The following PIK3R6 variants were observed in gnomAD, a reference collection of about 807,000 sequenced individuals.
PIK3R6 encodes phosphoinositide 3-kinase regulatory subunit 6.
Under a neutral mutation model 84.9 loss-of-function variants are expected in PIK3R6, and 91 were observed. The observed-to-expected ratio is 1.07, with a 90% CI of 0.90 to 1.28. The LOEUF is 1.28. Ranked by LOEUF, PIK3R6 falls within the 50% of genes most tolerant of loss-of-function variation. The pLI is 0.00. For synonymous variants in PIK3R6, 416 were observed against 411.4 expected, an observed-to-expected ratio of 1.01 and a Z score of -0.13; for missense variants, 996 against 985.1, an observed-to-expected ratio of 1.01 and a Z score of -0.15.
chr17:8,849,680 T>G, intron 2 of PIK3R6, 102 bp downstream of exon 2: 1 of 1,335,190 alleles, frequency 7.5e-7, no homozygotes. Flanking sequence ...CCTGTCTATG[T>G]GCAGGGGGTC....
At position 8,844,953 on chromosome 17, in the gene PIK3R6, T is replaced by C. The variant is rs1347522230; in HGVS notation, c.13+4829A>G. 1.3e-5 allele frequency among the ~76,000 whole-genome samples: 2 copies of C among 152,234 alleles called. No homozygotes were observed. Among genetic ancestry groups the C allele is most frequent in the Non-Finnish European group, 2.9e-5 (2 of 68,050 alleles). ...GCTTTCTGTTCCTACATTAATTTGC[T>C]TAGTGTAATAGCTTCCAGCTCCATC... On this transcript the variant is annotated intron_variant, in intron 2 of 19. Transcript: ENST00000619866. This position sits in a 1 kb window ranked among gnomAD's most constrained non-coding sequence, Gnocchi z 4.5.
chr17:8,852,439 T>C (rs566857509), intron 1 of PIK3R6, among the ~76,000 whole-genome samples: 1 of 152,244 alleles, frequency 6.6e-6, no homozygotes, highest in Non-Finnish European at 1.5e-5. Context: ...TAGAAATGAA[T>C]ATTAAAATGA....
At chr17:8,830,223 A>G (rs2151245031) in intron 9 of PIK3R6, among the ~76,000 whole-genome samples, 2 of 152,302 alleles carry the variant, frequency 1.3e-5, no homozygotes, top group Non-Finnish European at 2.9e-5. Context: ...CATGCAGTAG[A>G]CACTCAGTTA....
intron 18 of PIK3R6, among the ~76,000 whole-genome samples, chr17:8,818,612 G>A (rs980583419): frequency 1.2e-4 from 19 of 152,114 alleles, no homozygotes; most frequent in Non-Finnish European, 2.6e-4. Flanking sequence ...TTGCACCACT[G>A]CACTCCAGCC....
Position 8,828,832 on chromosome 17 carries a change from C to T in PIK3R6, c.1048G>A (p.Ala350Thr). 1 of 1,594,666 alleles carries T rather than the reference C, an allele frequency of 6.3e-7. No individual in the cohort carries two copies. Among genetic ancestry groups the T allele is most frequent in the Non-Finnish European group, 8.5e-7 (1 of 1,169,652 alleles). Reference protein sequence around the residue: ...SGIERDLPTGADELPAPGSPE... With the variant: ...SGIERDLPTGTDELPAPGSPE... ...CTGCCGGGTGCAGGCAGCTCATCAG[C>T]CCCCGTGGGAAGGTCCCGCTCAATG... is the stretch of plus-strand genomic sequence containing the variant. Residue 350 changes from alanine (A) to threonine (T), a missense_variant, in exon 11 of 20, where the codon GCT becomes ACT. Coordinates refer to ENST00000619866, the MANE Select transcript of PIK3R6 (RefSeq NM_001010855.4).
At chr17:8,812,252 G>A (rs1486904174) in intron 18 of PIK3R6, among the ~76,000 whole-genome samples, 1 of 152,166 alleles carries the variant, frequency 6.6e-6, no homozygotes, top group African/African-American at 2.4e-5. Flanking sequence ...AATTCAAGAT[G>A]AGATTTGGGT....
Position 8,844,671 on chromosome 17 carries a change from T to G in PIK3R6, c.14-4974A>C, listed in dbSNP as rs1268733737. ...AGGTTCAGGAGGTACATGTGCAGGT[T>G]TGTTACCCGGATATATTGCTTGATG... On this transcript the variant is annotated intron_variant, in intron 2 of 19. Coordinates refer to ENST00000619866, the MANE Select transcript of PIK3R6 (RefSeq NM_001010855.4). This position sits in a 1 kb window ranked among gnomAD's most constrained non-coding sequence, Gnocchi z 4.5. Among the ~76,000 whole-genome samples, 2 of 152,094 alleles carry G rather than the reference T, an allele frequency of 1.3e-5. No homozygotes were observed. Among genetic ancestry groups the G allele is most frequent in the African/African-American group, 4.8e-5 (2 of 41,428 alleles).
chr17:8,838,306 T>G, intron 4 of PIK3R6: 1 of 480,478 alleles, frequency 2.1e-6, no homozygotes, highest in East Asian at 3.8e-5. Context: ...CTTCTGTTTC[T>G]GACAAGTGAT....
At chr17:8,841,825 T>A (rs780959178) in intron 2 of PIK3R6, among the ~76,000 whole-genome samples, 4 of 152,144 alleles carry the variant, frequency 2.6e-5, no homozygotes, top group Non-Finnish European at 4.4e-5. Flanking sequence ...AGGTCCCCAG[T>A]TGCTGTGCTG....
chr17:8,829,048 G>C, intron 10 of PIK3R6, 58 bp from the exon 11 acceptor site: 1 of 1,440,280 alleles, frequency 6.9e-7, no homozygotes, highest in Non-Finnish European at 9.2e-7. Context: ...CTACGTTTCT[G>C]ATTTCAGCCA....
At chr17:8,829,018 G>A (rs1294430254) in intron 10 of PIK3R6, 28 bp from the exon 11 acceptor site, 2 of 1,488,868 alleles carry the variant, frequency 1.3e-6, no homozygotes, top group Non-Finnish European at 1.8e-6. Context: ...GGGCGGTGAG[G>A]ACACGTGAGG....
chr17:8,861,681 G>C (rs754737910), intron 1 of PIK3R6, among the ~76,000 whole-genome samples: 3 of 152,158 alleles, frequency 2.0e-5, no homozygotes, highest in Non-Finnish European at 4.4e-5. Context: ...CACAGTGCTT[G>C]TGTTCAAGTC....
Position 8,862,744 on chromosome 17 carries a change from G to A in PIK3R6, c.-92+4785C>T, listed in dbSNP as rs1015072180. ...TCCTCTCCCTCCCCCCGTAGCGCAAGAATACGACATTACAGGACAGCAATA... is the reference window on the plus strand; with the variant it reads ...TCCTCTCCCTCCCCCCGTAGCGCAAAAATACGACATTACAGGACAGCAATA... On this transcript the variant is annotated intron_variant, in intron 1 of 19. Transcript: ENST00000619866. This position sits in a 1 kb window ranked among gnomAD's most constrained non-coding sequence, Gnocchi z 4.3. 6.6e-6 allele frequency among the ~76,000 whole-genome samples: 1 copy of A among 152,162 alleles called. No individual in the cohort carries two copies. Among genetic ancestry groups the A allele is most frequent in the Non-Finnish European group, 1.5e-5 (1 of 68,034 alleles).
intron 18 of PIK3R6, among the ~76,000 whole-genome samples, chr17:8,808,257 T>C (rs2087258730): frequency 1.3e-5 from 2 of 152,210 alleles, no homozygotes; most frequent in Admixed American, 1.3e-4. Context: ...GAGCTTCGCA[T>C]GCCACAATCA....
chr17:8,836,124 T>C (rs963222920), intron 7 of PIK3R6, among the ~76,000 whole-genome samples: 1 of 152,232 alleles, frequency 6.6e-6, no homozygotes, highest in African/African-American at 2.4e-5. Context: ...GCGTCCCCCA[T>C]GGAAGCCCTC....
At chr17:8,837,054 G>T in intron 5 of PIK3R6, 131 bp from the exon 6 acceptor site, 1 of 691,448 alleles carries the variant, frequency 1.4e-6, no homozygotes. Context: ...AGGCCTAACA[G>T]CCAGACCTGG....
chr17:8,837,078 T>C (rs924750747), intron 5 of PIK3R6, among the ~76,000 whole-genome samples, 155 bp from the exon 6 acceptor site: 1 of 152,042 alleles, frequency 6.6e-6, no homozygotes, highest in Middle Eastern at 3.4e-3. Flanking sequence ...CACAGCTCTC[T>C]CCCAAACCCA....
chr17:8,839,968 C>T lies in PIK3R6; in HGVS notation c.14-271G>A, dbSNP rs561106471. The stretch of plus-strand genomic sequence containing the variant: ...AGGACAATTTTAGGTGGTACACAAA[C>T]GACCTTAAAATCTGAATAGTTATGC... On this transcript the variant is annotated intron_variant, in intron 2 of 19. Transcript: ENST00000619866. The surrounding 1 kb of genome is among the most constrained non-coding windows in gnomAD (Gnocchi z 4.2). 5.9e-5 allele frequency among the ~76,000 whole-genome samples: 9 copies of T among 152,122 alleles called. No individual in the cohort carries two copies. The highest frequency in any genetic ancestry group is 2.1e-4 in the South Asian group (1 of 4,822).
chr17:8,829,587 C>G, intron 10 of PIK3R6, 119 bp downstream of exon 10: 1 of 1,026,500 alleles, frequency 9.7e-7, no homozygotes, highest in Non-Finnish European at 1.4e-6. Flanking sequence ...GACACACTGA[C>G]ACACACTCAT....
Sources: allele counts gnomAD v4.1 joint callset (sites outside exome capture counted in the v4.1 genomes callset), GRCh38; gene constraint gnomAD v4.1.1; non-coding constraint Gnocchi (gnomAD v3.1); transcripts MANE v1.5; gene names NCBI Gene and HGNC (gene_info 2026-07-23, HGNC 2026-07-21).